The following ANKS1B variants were observed in gnomAD, a reference collection of about 807,000 sequenced individuals.
The protein encoded by ANKS1B is ankyrin repeat and sterile alpha motif domain-containing protein 1B.
A neutral mutation model predicts 148.3 loss-of-function variants in ANKS1B; 36 were observed. The ratio of observed to expected loss-of-function variants is 0.24; its 90% CI spans 0.19 to 0.32. The LOEUF (loss-of-function observed/expected upper bound fraction) is 0.32. ANKS1B is among the 10% of genes least tolerant of loss of function. The probability of loss-of-function intolerance (pLI) is 1.00; values close to 1 mark genes in which losing one functional copy is unlikely to be tolerated. For missense variants in ANKS1B, 1,157 were observed against 1,542.6 expected (o/e 0.75, Z 4.19); for synonymous variants, 542 against 560.8 (o/e 0.97, Z 0.47).
chr12:99,956,990 G>A lies in ANKS1B; in HGVS notation c.134+27114C>T, dbSNP rs9804774. Among the ~76,000 whole-genome samples the A allele has an allele frequency of 2.2e-3, 336 of 152,230 alleles. 1 individual carries two copies. Among genetic ancestry groups the A allele is most frequent in the African/African-American group, 7.7e-3 (320 of 41,554 alleles). ...ACAACTACGATTATCACTGTTCCTCGTAAAGTGGAGTCTTACAGAGCTGGC... is the reference window on the plus strand; with the variant it reads ...ACAACTACGATTATCACTGTTCCTCATAAAGTGGAGTCTTACAGAGCTGGC... On this transcript the variant is annotated intron_variant, in intron 1 of 26. Coordinates refer to ENST00000683438, the MANE Select transcript of ANKS1B (RefSeq NM_001352186.2).
intron 1 of ANKS1B, among the ~76,000 whole-genome samples, chr12:99,883,581 TAAAGACCATGA>T (rs893171486): frequency 8.0e-5 from 12 of 149,850 alleles, no homozygotes; most frequent in Middle Eastern, 3.2e-3. Context: ...AAAGACCCTG[TAAAGACCATGA>T]AAAGACAAGG....
intron 17 of ANKS1B, among the ~76,000 whole-genome samples, chr12:98,943,823 T>C (rs1199711808): frequency 6.6e-6 from 1 of 152,134 alleles, no homozygotes; most frequent in Non-Finnish European, 1.5e-5. Flanking sequence ...TCTTTGGGAG[T>C]TGATATAGTT....
chr12:98,944,287 C>G (rs915131579), intron 17 of ANKS1B, among the ~76,000 whole-genome samples: 7 of 112,958 alleles, frequency 6.2e-5, no homozygotes, highest in African/African-American at 1.9e-4. Flanking sequence ...GTGACAAGAG[C>G]GAAACTCCAC....
At chr12:99,829,919 C>A (rs1027160263) in intron 1 of ANKS1B, among the ~76,000 whole-genome samples, 1 of 152,100 alleles carries the variant, frequency 6.6e-6, no homozygotes, top group African/African-American at 2.4e-5. Flanking sequence ...TGAAGTGAGT[C>A]CGATACGGTC....
At chr12:99,411,241 C>T (rs1003744804) in intron 11 of ANKS1B, among the ~76,000 whole-genome samples, 1 of 152,178 alleles carries the variant, frequency 6.6e-6, no homozygotes, top group Non-Finnish European at 1.5e-5. Flanking sequence ...GTCTACTGTT[C>T]CCATCTTTAT....
At chr12:99,601,275 C>A (rs1158141367) in intron 9 of ANKS1B, among the ~76,000 whole-genome samples, 1 of 152,004 alleles carries the variant, frequency 6.6e-6, no homozygotes, top group African/African-American at 2.4e-5. Flanking sequence ...AAATTTTTAA[C>A]CTGTGTAAAT....
At chr12:98,984,609 A>G (rs889575235) in intron 17 of ANKS1B, among the ~76,000 whole-genome samples, 1 of 152,224 alleles carries the variant, frequency 6.6e-6, no homozygotes, top group Non-Finnish European at 1.5e-5. Flanking sequence ...CTACATAACA[A>G]GACTCTCCCT....
intron 12 of ANKS1B, among the ~76,000 whole-genome samples, chr12:99,356,895 G>T (rs1011567923): frequency 1.3e-5 from 2 of 149,738 alleles, no homozygotes; most frequent in Admixed American, 1.3e-4. Context: ...CCAGAATTTA[G>T]AGAAAACTAA....
chr12:98,959,537 GA>G (rs1458196493), intron 17 of ANKS1B, among the ~76,000 whole-genome samples: 3 of 152,176 alleles, frequency 2.0e-5, no homozygotes, highest in Non-Finnish European at 4.4e-5. Context: ...CAAGATGGCT[GA>G]ACAAAAGCTT....
chr12:99,654,482 C>T (rs1026791820), intron 9 of ANKS1B, among the ~76,000 whole-genome samples: 1 of 152,146 alleles, frequency 6.6e-6, no homozygotes, highest in Non-Finnish European at 1.5e-5. Flanking sequence ...TCTGAAACTC[C>T]TCTAAGAGTG....
chr12:99,969,223 G>A (rs2095527989), intron 1 of ANKS1B, among the ~76,000 whole-genome samples: 1 of 152,086 alleles, frequency 6.6e-6, no homozygotes, highest in Admixed American at 6.6e-5. Context: ...TTTTTGCCCA[G>A]GCTGGAGTAC....
chr12:99,562,327 C>T (rs11109917), intron 9 of ANKS1B, among the ~76,000 whole-genome samples: 2,009 of 152,294 alleles, frequency 0.013, 50 homozygotes, highest in African/African-American at 0.046. Flanking sequence ...CTTAGAATCA[C>T]CAGCTGCATT....
At chr12:99,841,153 G>C (rs1220859784) in intron 1 of ANKS1B, among the ~76,000 whole-genome samples, 1 of 151,872 alleles carries the variant, frequency 6.6e-6, no homozygotes, top group Non-Finnish European at 1.5e-5. Context: ...TAGCTCATAG[G>C]GTTACTGTAA....
intron 12 of ANKS1B, among the ~76,000 whole-genome samples, chr12:99,247,904 T>C (rs1210669955): frequency 1.3e-5 from 2 of 152,202 alleles, no homozygotes; most frequent in Non-Finnish European, 2.9e-5. Context: ...GTAAATGTGG[T>C]ACATAATGAC....
intron 17 of ANKS1B, among the ~76,000 whole-genome samples, chr12:98,951,891 C>T (rs566961915): frequency 9.9e-5 from 15 of 152,186 alleles, no homozygotes; most frequent in African/African-American, 3.4e-4. Context: ...TATTAGATTC[C>T]AAGACCTTTC....
intron 12 of ANKS1B, chr12:99,343,909 A>G (rs2090295111): frequency 6.6e-6 from 1 of 152,026 alleles, no homozygotes. Context: ...ATTTGATACT[A>G]TTAACCAGAA....
At position 99,286,672 on chromosome 12, in the gene ANKS1B, C is replaced by T. The variant is rs2079159757; in HGVS notation, c.1757-39808G>A. ...GATCCATCCTGGGCCAGAGTGAAGA[C>T]TACTGTTCCGAAGGGAGAGATCCAG... is the stretch of plus-strand genomic sequence containing the variant. On this transcript the variant is annotated intron_variant, in intron 12 of 26. Coordinates refer to ENST00000683438, the MANE Select transcript of ANKS1B (RefSeq NM_001352186.2). 2.0e-5 allele frequency among the ~76,000 whole-genome samples: 3 copies of T among 152,120 alleles called. No homozygotes were observed. In the South Asian group the frequency reaches 6.2e-4, roughly 32 times the overall value.
intron 9 of ANKS1B, among the ~76,000 whole-genome samples, chr12:99,613,093 C>G (rs1356093405): frequency 2.6e-5 from 4 of 152,094 alleles, no homozygotes; most frequent in Admixed American, 2.0e-4. Context: ...CCAATCTTTC[C>G]TAAGTAAAGT....
intron 22 of ANKS1B, among the ~76,000 whole-genome samples, chr12:98,792,935 G>A (rs981061914): frequency 1.3e-5 from 2 of 152,172 alleles, no homozygotes; most frequent in Non-Finnish European, 2.9e-5. Context: ...AAACATGGAG[G>A]TGCAGATATC....
Sources: gnomAD v4.1 joint callset for allele counts (sites outside exome capture counted in the v4.1 genomes callset) on GRCh38, gnomAD v4.1.1 for gene constraint, MANE v1.5 for transcripts, NCBI Gene and HGNC (gene_info 2026-07-23, HGNC 2026-07-21) for gene names.